ESRRB: variants seen among roughly 807,000 people sequenced by gnomAD.
ESRRB encodes estrogen related receptor beta.
A neutral mutation model predicts 46.0 loss-of-function variants in ESRRB; 16 were observed. The ratio of observed to expected loss-of-function variants is 0.35; its 90% CI spans 0.24 to 0.53. ESRRB has a LOEUF of 0.53. Among genes scored for constraint, ESRRB ranks in the 20% least tolerant of loss-of-function variants. The pLI, the probability that ESRRB is intolerant of heterozygous loss-of-function variation, is 0.93. For missense variants in ESRRB, 488 were observed against 607.4 expected (o/e 0.80, Z 2.07); for synonymous variants, 246 against 259.6 (o/e 0.95, Z 0.50).
intron 1 of ESRRB, among the ~76,000 whole-genome samples, chr14:76,317,485 T>G (rs889776704): frequency 1.3e-5 from 2 of 152,042 alleles, no homozygotes; most frequent in Non-Finnish European, 2.9e-5. Flanking sequence ...ATTGTGGACT[T>G]TATATGCACA....
chr14:76,474,069 G>A (rs1018129961), intron 3 of ESRRB, among the ~76,000 whole-genome samples: 10 of 152,208 alleles, frequency 6.6e-5, no homozygotes, highest in African/African-American at 9.6e-5. Context: ...GCAGCCATCA[G>A]ACCCACTGGC....
intron 1 of ESRRB, among the ~76,000 whole-genome samples, chr14:76,395,359 A>G (rs1366403065): frequency 6.6e-6 from 1 of 152,106 alleles, no homozygotes; most frequent in Non-Finnish European, 1.5e-5. Context: ...GGATCTGAAC[A>G]CCACTGGCTC....
At chr14:76,344,622 A>G (rs1275228688) in intron 1 of ESRRB, among the ~76,000 whole-genome samples, 1 of 152,142 alleles carries the variant, frequency 6.6e-6, no homozygotes, top group Admixed American at 6.5e-5. Context: ...AGGCTGAGAC[A>G]GGTGGATCAC....
At chr14:76,496,495 G>C (rs1890435854) in intron 6 of ESRRB, among the ~76,000 whole-genome samples, 1 of 96,492 alleles carries the variant, frequency 1.0e-5, no homozygotes, top group Admixed American at 9.4e-5. Flanking sequence ...GGCTAGAAAA[G>C]CAGGCTGGGG....
At chr14:76,435,848 C>A (rs1489093619) in intron 1 of ESRRB, among the ~76,000 whole-genome samples, 2 of 152,040 alleles carry the variant, frequency 1.3e-5, no homozygotes, top group Non-Finnish European at 2.9e-5. Context: ...AAAAACAAAA[C>A]AAAACAAAAA....
chr14:76,433,345 T>C (rs1887534585), intron 1 of ESRRB, among the ~76,000 whole-genome samples: 1 of 152,176 alleles, frequency 6.6e-6, no homozygotes, highest in African/African-American at 2.4e-5. Flanking sequence ...CATGATCTAC[T>C]TCAGGGAGAG....
chr14:76,488,698 G>A (rs1328999034), intron 5 of ESRRB, among the ~76,000 whole-genome samples: 1 of 152,118 alleles, frequency 6.6e-6, no homozygotes, highest in African/African-American at 2.4e-5. Context: ...AGCTGGGATG[G>A]GCCATCCAGG....
intron 1 of ESRRB, among the ~76,000 whole-genome samples, chr14:76,435,469 T>G (rs944084761): frequency 6.6e-6 from 1 of 152,184 alleles, no homozygotes; most frequent in Non-Finnish European, 1.5e-5. Flanking sequence ...ACTTGGCACA[T>G]AGTAGGTGCA....
rs761936066 is a variant in ESRRB, at chr14:76,439,627, G to A, written c.337G>A (p.Glu113Lys). Reference protein sequence around the residue: ...GIMEDSAIKCEYMLNAIPKRL... With the variant: ...GIMEDSAIKCKYMLNAIPKRL... ...CATGGAGGACTCGGCCATCAAGTGC[G>A]AGTACATGCTCAACGCCATCCCCAA... Residue 113 changes from glutamate to lysine, a missense_variant, in exon 2 of 7, where the codon GAG becomes AAG. Physicochemically the swap from Glu to Lys is moderately conservative, Grantham distance 56. Transcript: ENST00000644823. The A allele has an allele frequency of 1.9e-6, 3 of 1,614,238 alleles. No homozygotes were observed. The highest frequency in any genetic ancestry group is 1.7e-5 in the Admixed American group (1 of 60,038).
intron 1 of ESRRB, among the ~76,000 whole-genome samples, chr14:76,418,637 T>C (rs1886809714): frequency 6.6e-6 from 1 of 152,152 alleles, no homozygotes; most frequent in Admixed American, 6.5e-5. Context: ...TGTTTTGAGA[T>C]GGAGTCTTGC....
rs1889171158 is a variant in ESRRB, at chr14:76,467,535, A to T, written c.577+4874A>T. ...AAAAAAAAAAAAATTCTAGTGTTTG[A>T]TTCAAAGACAACCTCATTTACACTC... On this transcript the variant is annotated intron_variant, in intron 3 of 6. Coordinates refer to ENST00000644823, the MANE Select transcript of ESRRB (RefSeq NM_001379180.1). Among the ~76,000 whole-genome samples the T allele has an allele frequency of 2.0e-5, 3 of 148,708 alleles. No individual in the cohort carries two copies. The South Asian group carries it at 6.4e-4, about 32-fold the overall frequency.
At chr14:76,413,042 A>T (rs1886508411) in intron 1 of ESRRB, among the ~76,000 whole-genome samples, 1 of 152,164 alleles carries the variant, frequency 6.6e-6, no homozygotes, top group Admixed American at 6.5e-5. Context: ...CAGCTGAGTA[A>T]CTGGTCATTT....
intron 2 of ESRRB, among the ~76,000 whole-genome samples, chr14:76,453,455 A>T (rs1888476928): frequency 6.6e-6 from 1 of 152,200 alleles, no homozygotes; most frequent in Non-Finnish European, 1.5e-5. Flanking sequence ...TGTGAAAAAA[A>T]CATGAAAACA....
chr14:76,474,288 C>T (rs1889486781), intron 3 of ESRRB, among the ~76,000 whole-genome samples: 1 of 152,218 alleles, frequency 6.6e-6, no homozygotes, highest in Non-Finnish European at 1.5e-5. Flanking sequence ...GAAGTTACTA[C>T]TGAGTGCCTA....
At chr14:76,469,929 GTTTTTTTTTTTTTTC>G (rs1889297388) in intron 3 of ESRRB, among the ~76,000 whole-genome samples, 2 of 78,754 alleles carry the variant, frequency 2.5e-5, no homozygotes, top group Non-Finnish European at 5.6e-5. Flanking sequence ...GTTTTTTGTT[GTTTTTTTTTTTTTTC>G]TTTTTTTTTT....
At chr14:76,348,420 C>A (rs1884274630) in intron 1 of ESRRB, among the ~76,000 whole-genome samples, 1 of 152,178 alleles carries the variant, frequency 6.6e-6, no homozygotes, top group African/African-American at 2.4e-5. Context: ...TCTTAGTATT[C>A]TTTCCTTGTG....
rs867834945 is a variant in ESRRB, at chr14:76,345,959, T to A, written c.2+35043T>A. On this transcript the variant is annotated intron_variant, in intron 1 of 6. Transcript: ENST00000512784. ...ACAACAGAAATGGATTCTTTTGCAG[T>A]TCTGGAGGCCAGAAGTCCAAAATCA... is the stretch of plus-strand genomic sequence containing the variant. Among the ~76,000 whole-genome samples the A allele has an allele frequency of 1.6e-4, 24 of 152,232 alleles. 2 individuals are homozygous for A. The Middle Eastern group carries it at 0.027, about 173-fold the overall frequency.
At chr14:76,358,769 C>T (rs1373791087) in intron 1 of ESRRB, among the ~76,000 whole-genome samples, 1 of 152,192 alleles carries the variant, frequency 6.6e-6, no homozygotes, top group African/African-American at 2.4e-5. Context: ...TTTAAAAGCC[C>T]TGTTTTCTGA....
intron 1 of ESRRB, among the ~76,000 whole-genome samples, chr14:76,355,234 G>A (rs75164473): frequency 0.024 from 3,652 of 152,294 alleles, 142 homozygotes; most frequent in African/African-American, 0.084. Context: ...CAAAGATAGG[G>A]ACAGCTACCA....
Sources: allele counts gnomAD v4.1 joint callset (sites outside exome capture counted in the v4.1 genomes callset), GRCh38; gene constraint gnomAD v4.1.1; transcripts MANE v1.5; gene names NCBI Gene and HGNC (gene_info 2026-07-23, HGNC 2026-07-21).